The following SLC22A23 variants were observed in gnomAD, a reference collection of about 807,000 sequenced individuals.
SLC22A23 encodes ion transporter protein.
In SLC22A23, 26 loss-of-function variants were observed where a neutral mutation model predicts 61.0. That is an observed-to-expected ratio of 0.43 (90% CI 0.31 to 0.59). SLC22A23 has a LOEUF of 0.59. Ranked by LOEUF, SLC22A23 falls within the 20% of genes least tolerant of loss-of-function variation. The pLI, the probability that SLC22A23 is intolerant of heterozygous loss-of-function variation, is 0.11. For missense variants in SLC22A23, 796 were observed against 934.7 expected (o/e 0.85, Z 1.94); for synonymous variants, 430 against 413.9 (o/e 1.04, Z -0.47).
intron 3 of SLC22A23, among the ~76,000 whole-genome samples, chr6:3,364,505 G>A (rs1765678986): frequency 6.6e-6 from 1 of 152,174 alleles, no homozygotes; most frequent in African/African-American, 2.4e-5. Context: ...ACCATGTGAT[G>A]AGGTCACACC....
intron 5 of SLC22A23, chr6:3,291,871 C>T (rs1331761865): frequency 6.6e-6 from 1 of 152,076 alleles, no homozygotes; most frequent in African/African-American, 2.4e-5. Flanking sequence ...AAAGTATATA[C>T]CCCAAACTGA....
chr6:3,433,918 A>G (rs1188719177), intron 1 of SLC22A23, among the ~76,000 whole-genome samples: 2 of 152,166 alleles, frequency 1.3e-5, no homozygotes, highest in African/African-American at 4.8e-5. Context: ...AAATACCTTA[A>G]TTTAGGGGGT....
rs1205608968 is a variant in SLC22A23, at chr6:3,318,040, G to C, written c.1082+5794C>G. ...TCCTTGCATCACCAGAGACTCCTGT[G>C]CTCACTGCACCCCCTGCCAAGTCCC... is the stretch of plus-strand genomic sequence containing the variant. On this transcript the variant is annotated intron_variant, in intron 4 of 9. Coordinates refer to ENST00000406686, the MANE Select transcript of SLC22A23 (RefSeq NM_015482.2). This position sits in a 1 kb window ranked among gnomAD's most constrained non-coding sequence, Gnocchi z 4.3. Among the ~76,000 whole-genome samples the C allele has an allele frequency of 6.6e-6, 1 of 152,140 alleles. No individual in the cohort carries two copies. The highest frequency in any genetic ancestry group is 1.5e-5 in the Non-Finnish European group (1 of 68,020).
At position 3,322,714 on chromosome 6, in the gene SLC22A23, C is replaced by CG. The variant is rs367784483; in HGVS notation, c.1082+1119dup. ...AGTACATCTACTACCAGGGCAGGGGCGGGGGGCAGTACCACTAAGCCAAAA... is the reference window on the plus strand; with the variant it reads ...AGTACATCTACTACCAGGGCAGGGGCGGGGGGGCAGTACCACTAAGCCAAAA... On this transcript the variant is annotated intron_variant, in intron 4 of 9. Coordinates refer to ENST00000406686, the MANE Select transcript of SLC22A23 (RefSeq NM_015482.2). The surrounding 1 kb of genome is among the most constrained non-coding windows in gnomAD (Gnocchi z 4.1). 5.3e-5 allele frequency among the ~76,000 whole-genome samples: 8 copies of CG among 152,104 alleles called. No individual in the cohort carries two copies. The highest frequency in any genetic ancestry group is 1.7e-4 in the African/African-American group (7 of 41,410).
chr6:3,451,753 A>G (rs1375421621), intron 1 of SLC22A23, among the ~76,000 whole-genome samples: 1 of 152,210 alleles, frequency 6.6e-6, no homozygotes, highest in Non-Finnish European at 1.5e-5. Context: ...ACAATACCTT[A>G]CAACAGAGCT....
At chr6:3,301,502 T>C (rs1396863859) in intron 4 of SLC22A23, among the ~76,000 whole-genome samples, 3 of 152,194 alleles carry the variant, frequency 2.0e-5, no homozygotes, top group East Asian at 1.9e-4. Context: ...ACGTGGAAAT[T>C]TGTGTCCTTT....
intron 5 of SLC22A23, chr6:3,290,359 G>A: frequency 4.9e-6 from 1 of 206,042 alleles, no homozygotes. Context: ...CTTGTGGGGT[G>A]GAACTATGGC....
At chr6:3,284,836 G>T in intron 8 of SLC22A23, 1 of 1,408,742 alleles carries the variant, frequency 7.1e-7, no homozygotes, top group Non-Finnish European at 9.7e-7. Flanking sequence ...AGGGGAAGGG[G>T]CGGGGGCATG....
intron 4 of SLC22A23, among the ~76,000 whole-genome samples, chr6:3,301,794 G>C (rs535248582): frequency 6.6e-6 from 1 of 152,350 alleles, no homozygotes; most frequent in East Asian, 1.9e-4. Context: ...TTATCCTCAA[G>C]TGTTACCCAC....
At position 3,410,879 on chromosome 6, in the gene SLC22A23, C is replaced by T. The variant is rs1581840655; in HGVS notation, c.759-537G>A. Among the ~76,000 whole-genome samples the T allele has an allele frequency of 6.6e-6, 1 of 152,150 alleles. No individual in the cohort carries two copies. Among genetic ancestry groups the T allele is most frequent in the Non-Finnish European group, 1.5e-5 (1 of 68,038 alleles). On this transcript the variant is annotated intron_variant, in intron 2 of 9. Coordinates refer to ENST00000406686, the MANE Select transcript of SLC22A23 (RefSeq NM_015482.2). The surrounding 1 kb of genome is among the most constrained non-coding windows in gnomAD (Gnocchi z 5.0). ...CTGTCAATTTGTTTCAGCTACACGACGAGAAGTAATTTTTAAGGGATCACA... is the reference window on the plus strand; with the variant it reads ...CTGTCAATTTGTTTCAGCTACACGATGAGAAGTAATTTTTAAGGGATCACA...
At chr6:3,391,244 G>C (rs1039290267) in intron 3 of SLC22A23, among the ~76,000 whole-genome samples, 1 of 152,210 alleles carries the variant, frequency 6.6e-6, no homozygotes, top group Non-Finnish European at 1.5e-5. Context: ...TATTCTTGCT[G>C]ATATCAATTC....
rs1192360810 is a variant in SLC22A23, at chr6:3,309,881, C to T, written c.1083-11663G>A. Among the ~76,000 whole-genome samples the T allele has an allele frequency of 6.6e-6, 1 of 152,228 alleles. No homozygotes were observed. Among genetic ancestry groups the T allele is most frequent in the African/African-American group, 2.4e-5 (1 of 41,464 alleles). Reference sequence around the variant, plus strand: ...TGACCTAGGCCTGGCCATGCTAATACCCTGCCTGGGGCTTCATGAATGGCA... The same window carrying T: ...TGACCTAGGCCTGGCCATGCTAATATCCTGCCTGGGGCTTCATGAATGGCA... On this transcript the variant is annotated intron_variant, in intron 4 of 9. Coordinates refer to ENST00000406686, the MANE Select transcript of SLC22A23 (RefSeq NM_015482.2). This position sits in a 1 kb window ranked among gnomAD's most constrained non-coding sequence, Gnocchi z 4.7.
intron 4 of SLC22A23, among the ~76,000 whole-genome samples, chr6:3,307,152 G>A (rs1053242167): frequency 2.6e-5 from 4 of 152,192 alleles, no homozygotes; most frequent in Non-Finnish European, 5.9e-5. Context: ...GTGGCACTTG[G>A]TTACTGACAA....
In SLC22A23 at chr6:3,304,324, A is replaced by C. The variant is rs142714747; in HGVS notation, c.1083-6106T>G. Among the ~76,000 whole-genome samples the C allele has an allele frequency of 1.0e-3, 156 of 152,344 alleles. 1 individual carries two copies. The highest frequency in any genetic ancestry group is 3.6e-3 in the African/African-American group (151 of 41,584). On this transcript the variant is annotated intron_variant, in intron 4 of 9. Coordinates refer to ENST00000406686, the MANE Select transcript of SLC22A23 (RefSeq NM_015482.2). This position sits in a 1 kb window ranked among gnomAD's most constrained non-coding sequence, Gnocchi z 4.3. ...AGGCAACACACTTTGGATACCTAAA[A>C]ACTGACAACAACCAATAAATGTCTT...
intron 1 of SLC22A23, among the ~76,000 whole-genome samples, chr6:3,417,040 G>C (rs755982345): frequency 4.6e-5 from 7 of 152,132 alleles, no homozygotes; most frequent in Non-Finnish European, 7.3e-5. Context: ...TGTAAGCTCA[G>C]GTCCTGCCTC....
chr6:3,382,978 A>T (rs1049765755), intron 3 of SLC22A23, among the ~76,000 whole-genome samples: 1 of 152,236 alleles, frequency 6.6e-6, no homozygotes, highest in Admixed American at 6.5e-5. Flanking sequence ...CTTATGCCAG[A>T]TCCTAAGACA....
At chr6:3,351,372 G>A (rs770108732) in intron 3 of SLC22A23, among the ~76,000 whole-genome samples, 2 of 152,168 alleles carry the variant, frequency 1.3e-5, no homozygotes, top group Non-Finnish European at 2.9e-5. Context: ...AAGGAAAAGG[G>A]TTGGGGAAAA....
intron 4 of SLC22A23, among the ~76,000 whole-genome samples, chr6:3,316,166 G>A (rs775853190): frequency 1.3e-5 from 2 of 152,212 alleles, no homozygotes; most frequent in Non-Finnish European, 2.9e-5. Context: ...GAGAACCACT[G>A]ACATTTGAAA....
At chr6:3,351,860 C>G (rs1282232326) in intron 3 of SLC22A23, among the ~76,000 whole-genome samples, 1 of 152,220 alleles carries the variant, frequency 6.6e-6, no homozygotes, top group Non-Finnish European at 1.5e-5. Flanking sequence ...CCCAGGTGAG[C>G]AGGAGGATGG....
Sources: gnomAD v4.1 joint callset for allele counts (sites outside exome capture counted in the v4.1 genomes callset) on GRCh38, gnomAD v4.1.1 for gene constraint, Gnocchi (gnomAD v3.1) non-coding constraint, MANE v1.5 for transcripts, NCBI Gene and HGNC (gene_info 2026-07-23, HGNC 2026-07-21) for gene names.